IFT25: variants seen among roughly 807,000 people sequenced by gnomAD.
IFT25 encodes the protein intraflagellar transport 25.
the IFT25 span, among the ~76,000 whole-genome samples, chr1:53,914,860 TAAA>T: frequency 6.6e-6 from 1 of 151,850 alleles, no homozygotes; most frequent in Non-Finnish European, 1.5e-5. Context: ...CAATATGCTA[TAAA>T]AAAAAATCTG....
At chr1:53,939,484 C>T in the IFT25 span, among the ~76,000 whole-genome samples, 1 of 151,440 alleles carries the variant, frequency 6.6e-6, no homozygotes, top group Admixed American at 6.6e-5. Context: ...AAATATCTAG[C>T]TAGAAAAAGC....
the IFT25 span, among the ~76,000 whole-genome samples, chr1:53,941,177 T>C: frequency 6.6e-6 from 1 of 152,040 alleles, no homozygotes; most frequent in African/African-American, 2.4e-5. Flanking sequence ...GTATTTTTAG[T>C]AGAGACGGGG....
At chr1:53,928,396 C>G in the IFT25 span, 1 of 1,613,448 alleles carries the variant, frequency 6.2e-7, no homozygotes, top group Non-Finnish European at 8.5e-7. Context: ...TGCTCAAAAT[C>G]AACTGGCTCT....
At chr1:53,926,722 A>ATT in the IFT25 span, among the ~76,000 whole-genome samples, 1,955 of 143,390 alleles carry the variant, frequency 0.014, 40 homozygotes, top group African/African-American at 0.047. Context: ...CACATTCTAG[A>ATT]TTTTTTTTTT....
At chr1:53,933,135 CTTT>C in the IFT25 span, among the ~76,000 whole-genome samples, 2 of 131,274 alleles carry the variant, frequency 1.5e-5, no homozygotes, top group Non-Finnish European at 1.6e-5. Flanking sequence ...TCCTTTTTCT[CTTT>C]TTTTTTTTTT....
At chr1:53,941,693 T>C in the IFT25 span, among the ~76,000 whole-genome samples, 4 of 152,206 alleles carry the variant, frequency 2.6e-5, no homozygotes, top group Non-Finnish European at 5.9e-5. Flanking sequence ...ATGCTAATTC[T>C]CGACAAAATC....
the IFT25 span, chr1:53,924,096 A>G: frequency 6.8e-6 from 4 of 587,478 alleles, no homozygotes; most frequent in Admixed American, 1.0e-4. Flanking sequence ...AATTTAATTT[A>G]AAAATAGAGG....
the IFT25 span, among the ~76,000 whole-genome samples, chr1:53,944,419 C>T: frequency 6.6e-6 from 1 of 152,070 alleles, no homozygotes; most frequent in African/African-American, 2.4e-5. Context: ...CCCAGGCAGG[C>T]GGATCACTTG....
chr1:53,930,398 T>C, the IFT25 span, among the ~76,000 whole-genome samples: 10 of 152,198 alleles, frequency 6.6e-5, no homozygotes, highest in Non-Finnish European at 5.9e-5. Context: ...TTATTGCCTA[T>C]AATTCTAAAC....
chr1:53,941,688 A>G, the IFT25 span, among the ~76,000 whole-genome samples: 1 of 152,230 alleles, frequency 6.6e-6, no homozygotes, highest in South Asian at 2.1e-4. Context: ...CTTGAATGCT[A>G]ATTCTCGACA....
chr1:53,914,007 G>A, the IFT25 span, among the ~76,000 whole-genome samples: 1 of 152,156 alleles, frequency 6.6e-6, no homozygotes, highest in Non-Finnish European at 1.5e-5. Context: ...TACAGCAGCT[G>A]GAGCTAAGAC....
At chr1:53,912,487 C>T in the IFT25 span, among the ~76,000 whole-genome samples, 2 of 152,206 alleles carry the variant, frequency 1.3e-5, no homozygotes, top group African/African-American at 4.8e-5. Flanking sequence ...AGAGTGAAGA[C>T]TAAGTGCTCA....
chr1:53,919,216 T>C, the IFT25 span, among the ~76,000 whole-genome samples: 5 of 152,176 alleles, frequency 3.3e-5, no homozygotes, highest in South Asian at 1.0e-3. Context: ...ACACATGACA[T>C]GATTTGGCAA....
chr1:53,919,041 G>A, the IFT25 span, among the ~76,000 whole-genome samples: 5 of 152,138 alleles, frequency 3.3e-5, no homozygotes, highest in Non-Finnish European at 7.3e-5. Flanking sequence ...GTTTCACCGT[G>A]TTGGCCAGGC....
the IFT25 span, among the ~76,000 whole-genome samples, chr1:53,917,834 G>T: frequency 7.0e-6 from 1 of 141,976 alleles, no homozygotes; most frequent in Middle Eastern, 3.3e-3. Flanking sequence ...TCTCAAAAAA[G>T]AAAAAAAAAA....
the IFT25 span, chr1:53,921,555 A>C: frequency 1.3e-6 from 1 of 781,230 alleles, no homozygotes; most frequent in Non-Finnish European, 2.2e-6. Context: ...TAAAAACTGA[A>C]ACAAATTGAT....
the IFT25 span, chr1:53,921,807 G>T: frequency 8.1e-7 from 1 of 1,241,314 alleles, no homozygotes; most frequent in Non-Finnish European, 1.2e-6. Flanking sequence ...TTTTAGCAGT[G>T]CTAGTTAACT....
At chr1:53,928,757 T>C in the IFT25 span, 1,540 of 266,716 alleles carry the variant, frequency 5.8e-3, 22 homozygotes, top group African/African-American at 0.032. Context: ...TAAACATTTA[T>C]GGAGAGCCTA....
chr1:53,931,860 CTATT>C, the IFT25 span, among the ~76,000 whole-genome samples: 7 of 151,962 alleles, frequency 4.6e-5, no homozygotes, highest in African/African-American at 1.7e-4. Flanking sequence ...CTCACCTTTA[CTATT>C]TATTTTCTTC....
Sources: gnomAD v4.1 joint callset for allele counts (sites outside exome capture counted in the v4.1 genomes callset) on GRCh38, gnomAD v4.1.1 for gene constraint, MANE v1.5 for transcripts, NCBI Gene and HGNC (gene_info 2026-07-23, HGNC 2026-07-21) for gene names.